The following KTN1 variants were observed in gnomAD, a reference collection of about 807,000 sequenced individuals.
The protein encoded by KTN1 is kinectin 1.
In KTN1, 130 loss-of-function variants were observed where a neutral mutation model predicts 222.5. That is an observed-to-expected ratio of 0.58 (90% CI 0.51 to 0.68). The LOEUF (loss-of-function observed/expected upper bound fraction) is 0.68. Ranked by LOEUF, KTN1 falls within the 30% of genes least tolerant of loss-of-function variation. KTN1 has a pLI of 0.00. For synonymous variants in KTN1, 512 were observed against 496.3 expected (o/e 1.03, Z -0.42); for missense variants, 1,508 against 1,500.4 (o/e 1.01, Z -0.08).
chr14:55,678,476 G>C, intron 42 of KTN1, 32 bp downstream of exon 42: 1 of 1,349,484 alleles, frequency 7.4e-7, no homozygotes, highest in Non-Finnish European at 1.1e-6. Context: ...AGATCTCTGA[G>C]CTAGTTACCT....
rs1358062463 is a variant in KTN1 at position 55,618,123 on chromosome 14, A to T, written c.821A>T (p.Glu274Val). 4.3e-6 allele frequency: 7 copies of T among 1,610,812 alleles called. No individual in the cohort carries two copies. The highest frequency in any genetic ancestry group is 5.9e-6 in the Non-Finnish European group (7 of 1,178,744). Residue 274 changes from glutamate (E) to valine (V), a missense_variant, in exon 4 of 44, where the codon GAA becomes GTA. By Grantham distance (121) the Glu-to-Val change is moderately radical (BLOSUM62 -2). Transcript: ENST00000395314. The stretch of plus-strand genomic sequence containing the variant: ...TCTGGGACTAAAAAACTGAAGACCG[A>T]AACTGACAAAGGTAATATATGGGAT... ...QKSGTKKLKTETDKENAEVKF... is the reference protein window; with the variant it reads ...QKSGTKKLKTVTDKENAEVKF...
At chr14:55,654,589 T>C (rs2043271626) in intron 28 of KTN1, among the ~76,000 whole-genome samples, 1 of 152,102 alleles carries the variant, frequency 6.6e-6, no homozygotes, top group South Asian at 2.1e-4. Flanking sequence ...TTTTATTTTT[T>C]GTGGTGGAGA....
chr14:55,650,194 A>G, intron 22 of KTN1, 134 bp from the exon 23 acceptor site: 2 of 681,366 alleles, frequency 2.9e-6, no homozygotes, highest in Non-Finnish European at 5.1e-6. Flanking sequence ...GCCATTCTAC[A>G]AAGACATGTT....
chr14:55,651,617 T>C (rs766832686), intron 24 of KTN1: 3 of 424,070 alleles, frequency 7.1e-6, no homozygotes, highest in African/African-American at 2.0e-5. Context: ...TCCCACTGCT[T>C]CACTTGACTA....
chr14:55,581,966 TTC>T (rs1173299188), intron 1 of KTN1, among the ~76,000 whole-genome samples: 1 of 152,090 alleles, frequency 6.6e-6, no homozygotes, highest in Non-Finnish European at 1.5e-5. Flanking sequence ...GTTCATGAGT[TTC>T]CCTCCCACCC....
intron 9 of KTN1, among the ~76,000 whole-genome samples, chr14:55,635,036 C>G (rs886473693): frequency 6.6e-6 from 1 of 151,982 alleles, no homozygotes; most frequent in Non-Finnish European, 1.5e-5. Flanking sequence ...GATTACAATT[C>G]GAGATGAGGT....
chr14:55,640,486 T>A, intron 15 of KTN1, 44 bp downstream of exon 15: 2 of 1,336,844 alleles, frequency 1.5e-6, no homozygotes, highest in Non-Finnish European at 2.1e-6. Context: ...GAATTTCAAT[T>A]TGCGTATTCT....
At chr14:55,593,366 C>T (rs1224625002) in intron 1 of KTN1, among the ~76,000 whole-genome samples, 1 of 150,642 alleles carries the variant, frequency 6.6e-6, no homozygotes, top group African/African-American at 2.4e-5. Flanking sequence ...ATTTTGACAA[C>T]TCTTGCATTC....
At chr14:55,596,339 C>T (rs1242885132) in intron 1 of KTN1, among the ~76,000 whole-genome samples, 1 of 151,902 alleles carries the variant, frequency 6.6e-6, no homozygotes, top group African/African-American at 2.4e-5. Flanking sequence ...TTCCCCCTAA[C>T]TCTTAGGCAT....
intron 9 of KTN1, among the ~76,000 whole-genome samples, chr14:55,635,728 A>G (rs1374155982): frequency 2.6e-5 from 4 of 152,236 alleles, no homozygotes; most frequent in African/African-American, 7.2e-5. Context: ...TGTTGAAAGT[A>G]TAGTTCAATT....
At position 55,612,128 on chromosome 14, in the gene KTN1, T is replaced by C; in HGVS notation, c.80T>C (p.Leu27Pro). 1 of 1,569,138 alleles carries C rather than the reference T, an allele frequency of 6.4e-7. No individual in the cohort carries two copies. Among genetic ancestry groups the C allele is most frequent in the Non-Finnish European group, 8.6e-7 (1 of 1,165,624 alleles). The change falls in exon 2 of 44, where the codon CTT becomes CCT. Residue 27 changes from leucine (L) to proline (P), a missense_variant. Transcript: ENST00000395314. ...VITVIFLFFWLFMKETLYDEV... is the reference protein window; with the variant it reads ...VITVIFLFFWPFMKETLYDEV... ...ACAGTAATTTTCCTCTTCTTCTGGC[T>C]TTTCATGAAAGAAACATTATATGAT... is the stretch of plus-strand genomic sequence containing the variant.
chr14:55,683,848 GTGT>G (rs2046570832), intron 43 of KTN1: 3 of 402,858 alleles, frequency 7.4e-6, no homozygotes, highest in Non-Finnish European at 1.3e-5. Context: ...TGGATTACCA[GTGT>G]TGTTGTTTTA....
At position 55,672,640 on chromosome 14, in the gene KTN1, C is replaced by T. The variant is rs893049062; in HGVS notation, c.3542C>T (p.Ser1181Leu). 1 of 1,602,842 alleles carries T rather than the reference C, an allele frequency of 6.2e-7. No individual in the cohort carries two copies. Among genetic ancestry groups the T allele is most frequent in the Admixed American group, 1.7e-5 (1 of 59,880 alleles). Residue 1181 changes from serine (S) to leucine (L), a missense_variant, in exon 38 of 44, where the codon TCA becomes TTA. Transcript: ENST00000395314. ...TGTTTCACATTTCAGATGCAGTCAT[C>T]ATTTACATCTTCAGAACAAGAGCTA... ...SHKTIKQMQS[S>L]FTSSEQELER...
chr14:55,646,554 TTC>T (rs1159586343), intron 18 of KTN1, among the ~76,000 whole-genome samples: 9 of 116,210 alleles, frequency 7.7e-5, no homozygotes, highest in Non-Finnish European at 1.7e-4. Flanking sequence ...CCTTCTCTCT[TTC>T]TCTCTCTTTC....
chr14:55,657,722 G>A (rs1430990831), intron 29 of KTN1, among the ~76,000 whole-genome samples: 1 of 151,940 alleles, frequency 6.6e-6, no homozygotes, highest in African/African-American at 2.4e-5. Context: ...ACCAAACATG[G>A]CCAACGTGGT....
In KTN1 at chr14:55,669,311, G is replaced by A. The variant is rs1191919384; in HGVS notation, c.3268-1418G>A. ...ATATTTATAAGTCATCATAATAAAT[G>A]GATGATACTGTTTGGCTTTTGTTCA... On this transcript the variant is annotated intron_variant, in intron 34 of 43. Coordinates refer to ENST00000395314, the MANE Select transcript of KTN1 (RefSeq NM_001079521.2). Among the ~76,000 whole-genome samples the A allele has an allele frequency of 2.6e-5, 4 of 151,956 alleles. No individual in the cohort carries two copies. The East Asian group carries it at 7.7e-4, about 29-fold the overall frequency.
intron 30 of KTN1, 32 bp downstream of exon 30, chr14:55,658,646 T>G (rs1003324447): frequency 7.2e-7 from 1 of 1,390,456 alleles, no homozygotes; most frequent in Non-Finnish European, 1.0e-6. Context: ...GCCTTTCACT[T>G]ACGTGGCAAA....
chr14:55,652,536 C>T (rs887371012), intron 25 of KTN1, among the ~76,000 whole-genome samples: 4 of 151,784 alleles, frequency 2.6e-5, no homozygotes, highest in East Asian at 1.9e-4. Context: ...GTAGCTGGGA[C>T]TACAGGCGCG....
At chr14:55,629,138 C>T (rs570849065) in intron 6 of KTN1, among the ~76,000 whole-genome samples, 5 of 152,138 alleles carry the variant, frequency 3.3e-5, no homozygotes, top group South Asian at 2.1e-4. Flanking sequence ...ACTTAGTGGC[C>T]GGGCGCAGTG....
Sources: allele counts gnomAD v4.1 joint callset (sites outside exome capture counted in the v4.1 genomes callset), GRCh38; gene constraint gnomAD v4.1.1; transcripts MANE v1.5; gene names NCBI Gene and HGNC (gene_info 2026-07-23, HGNC 2026-07-21).